Variants in PALM2AKAP2 observed in about 807,000 individuals in gnomAD.
PALM2AKAP2 encodes the protein PALM2-AKAP2 fusion protein.
Under a neutral mutation model 71.5 loss-of-function variants are expected in PALM2AKAP2, and 37 were observed. The observed-to-expected ratio is 0.52, with a 90% CI of 0.40 to 0.68. The LOEUF (loss-of-function observed/expected upper bound fraction) is 0.68. PALM2AKAP2 is among the 30% of genes least tolerant of loss of function. The pLI is 0.00. For missense variants in PALM2AKAP2, 1,224 were observed against 1,191.8 expected (o/e 1.03, Z -0.40); for synonymous variants, 468 against 478.8 (o/e 0.98, Z 0.29).
At position 109,652,035 on chromosome 9, in the gene PALM2AKAP2, C is replaced by T. The variant is rs566129841; in HGVS notation, c.5+11169C>T. Reference sequence around the variant, plus strand: ...AAATGGATGCTACCTAAATTACTGCCAAGTCAATTAAGTCTATACCATCAT... The same window carrying T: ...AAATGGATGCTACCTAAATTACTGCTAAGTCAATTAAGTCTATACCATCAT... On this transcript the variant is annotated intron_variant, in intron 1 of 6. Transcript: ENST00000374531. 2.6e-5 allele frequency among the ~76,000 whole-genome samples: 4 copies of T among 152,066 alleles called. No individual in the cohort carries two copies. The East Asian group carries it at 5.8e-4, about 22-fold the overall frequency.
intron 6 of PALM2AKAP2, among the ~76,000 whole-genome samples, chr9:109,990,520 A>C (rs1832460222): frequency 6.6e-6 from 1 of 152,152 alleles, no homozygotes; most frequent in Non-Finnish European, 1.5e-5. Flanking sequence ...GCGTACCCCA[A>C]GTTGATCCTA....
chr9:109,964,928 C>T (rs923470089), intron 6 of PALM2AKAP2, among the ~76,000 whole-genome samples: 31 of 152,134 alleles, frequency 2.0e-4, no homozygotes, highest in African/African-American at 7.5e-4. Context: ...TGTCTCCCTC[C>T]TCACCTTTGC....
At chr9:109,820,642 C>T (rs16914519) in intron 1 of PALM2AKAP2, among the ~76,000 whole-genome samples, 10,581 of 152,282 alleles carry the variant, frequency 0.069, 496 homozygotes, top group South Asian at 0.098. Context: ...TAGCTGCTTC[C>T]TTGGCGTCTG....
At chr9:109,649,599 TATCTGCC>T (rs1225000904) in intron 1 of PALM2AKAP2, among the ~76,000 whole-genome samples, 1 of 152,242 alleles carries the variant, frequency 6.6e-6, no homozygotes, top group Non-Finnish European at 1.5e-5. Flanking sequence ...GAAATGTATT[TATCTGCC>T]ATTTGCTGGT....
chr9:109,791,950 A>G (rs1192222298), intron 1 of PALM2AKAP2, among the ~76,000 whole-genome samples: 1 of 152,134 alleles, frequency 6.6e-6, no homozygotes, highest in Non-Finnish European at 1.5e-5. Context: ...CCCTGTCTCA[A>G]TGACCCTCCC....
intron 1 of PALM2AKAP2, chr9:109,772,006 CT>C: frequency 6.6e-6 from 1 of 152,496 alleles, no homozygotes; most frequent in Non-Finnish European, 1.5e-5. Context: ...GCCAGCTGCC[CT>C]TCTTCTTTCC....
intron 3 of PALM2AKAP2, among the ~76,000 whole-genome samples, chr9:109,892,465 G>A (rs2131817069): frequency 6.6e-6 from 1 of 152,236 alleles, no homozygotes; most frequent in South Asian, 2.1e-4. Flanking sequence ...CTGGGGGTTA[G>A]GGTGTGGACA....
chr9:110,125,603 CAA>C, intron 1 of PALM2AKAP2: 1 of 985,202 alleles, frequency 1.0e-6, no homozygotes, highest in Non-Finnish European at 1.2e-6. Context: ...CAGGGTAAGC[CAA>C]GTCTGCTGAC....
chr9:109,856,845 T>C (rs1485712242), intron 1 of PALM2AKAP2, among the ~76,000 whole-genome samples: 1 of 152,250 alleles, frequency 6.6e-6, no homozygotes, highest in African/African-American at 2.4e-5. Flanking sequence ...TTTGGAATTA[T>C]GCTAATTTCT....
chr9:109,644,005 G>C (rs1827111792), intron 1 of PALM2AKAP2, among the ~76,000 whole-genome samples: 1 of 151,608 alleles, frequency 6.6e-6, no homozygotes, highest in Non-Finnish European at 1.5e-5. Flanking sequence ...GGTGGCGGGG[G>C]TGTCACAGAC....
chr9:109,661,758 G>A (rs1227517182), intron 1 of PALM2AKAP2, among the ~76,000 whole-genome samples: 2 of 152,190 alleles, frequency 1.3e-5, no homozygotes, highest in African/African-American at 4.8e-5. Context: ...ACTTTGGGCA[G>A]CAAGGCGATT....
intron 1 of PALM2AKAP2, among the ~76,000 whole-genome samples, chr9:110,049,276 C>A (rs1833662492): frequency 6.6e-6 from 1 of 152,174 alleles, no homozygotes; most frequent in African/African-American, 2.4e-5. Context: ...GCCGTTCCTT[C>A]TAGCTCGCGA....
chr9:109,690,784 TG>T (rs1281267694), intron 1 of PALM2AKAP2, among the ~76,000 whole-genome samples: 1 of 152,184 alleles, frequency 6.6e-6, no homozygotes, highest in African/African-American at 2.4e-5. Context: ...CCTTGGGAAC[TG>T]GTTATTAAGT....
intron 1 of PALM2AKAP2, among the ~76,000 whole-genome samples, chr9:109,800,109 C>T (rs1006232748): frequency 6.6e-6 from 1 of 152,180 alleles, no homozygotes; most frequent in African/African-American, 2.4e-5. Context: ...ATGTTTATCA[C>T]CTGATTGTTA....
At chr9:109,655,263 C>T (rs1309203487) in intron 1 of PALM2AKAP2, among the ~76,000 whole-genome samples, 1 of 143,828 alleles carries the variant, frequency 7.0e-6, no homozygotes, top group Non-Finnish European at 1.5e-5. Flanking sequence ...TCGGCCACTG[C>T]ACTCCAGGCT....
intron 6 of PALM2AKAP2, among the ~76,000 whole-genome samples, chr9:109,952,253 A>T (rs1334019570): frequency 2.6e-5 from 4 of 152,218 alleles, no homozygotes; most frequent in Non-Finnish European, 5.9e-5. Context: ...TAATTTGCCA[A>T]CCCCTGGCCT....
intron 1 of PALM2AKAP2, chr9:109,640,944 C>A: frequency 6.9e-7 from 1 of 1,444,152 alleles, no homozygotes; most frequent in Non-Finnish European, 9.1e-7. Context: ...CAGGCAGATC[C>A]CGCTCGGGTC....
chr9:110,007,928 G>C (rs1832815212), intron 6 of PALM2AKAP2, among the ~76,000 whole-genome samples: 1 of 152,192 alleles, frequency 6.6e-6, no homozygotes, highest in Non-Finnish European at 1.5e-5. Context: ...AGCAAGGCCT[G>C]TCTGTCTAGA....
intron 1 of PALM2AKAP2, among the ~76,000 whole-genome samples, chr9:109,663,379 A>G (rs143730608): frequency 0.2 from 29,754 of 152,138 alleles, 3,133 homozygotes; most frequent in Middle Eastern, 0.31. Context: ...AGATTCTGGT[A>G]CACTGTGTCT....
Sources: allele counts gnomAD v4.1 joint callset (sites outside exome capture counted in the v4.1 genomes callset), GRCh38; gene constraint gnomAD v4.1.1; transcripts MANE v1.5; gene names NCBI Gene and HGNC (gene_info 2026-07-23, HGNC 2026-07-21).